Variants in SPMIP2 observed in about 807,000 individuals in gnomAD.
SPMIP2 encodes the protein sperm microtubule inner protein 2.
chr4:158,900,373 T>C, the SPMIP2 span, among the ~76,000 whole-genome samples: 1 of 152,260 alleles, frequency 6.6e-6, no homozygotes, highest in Non-Finnish European at 1.5e-5. Flanking sequence ...GGTCCAGAGC[T>C]GAGTTCAAGT....
At chr4:159,025,204 G>T in the SPMIP2 span, among the ~76,000 whole-genome samples, 1 of 152,136 alleles carries the variant, frequency 6.6e-6, no homozygotes, top group African/African-American at 2.4e-5. Context: ...TTGCTCTGTC[G>T]CACAGGCTGG....
At chr4:158,922,021 G>C in the SPMIP2 span, among the ~76,000 whole-genome samples, 27 of 151,828 alleles carry the variant, frequency 1.8e-4, no homozygotes, top group African/African-American at 6.3e-4. Context: ...CCAAGTAGCT[G>C]GGACTACAGG....
At chr4:158,987,212 A>G in the SPMIP2 span, among the ~76,000 whole-genome samples, 1 of 149,094 alleles carries the variant, frequency 6.7e-6, no homozygotes, top group Non-Finnish European at 1.5e-5. Context: ...ACCATTGTGG[A>G]AGTCAGTGTG....
the SPMIP2 span, among the ~76,000 whole-genome samples, chr4:159,063,699 C>T: frequency 4.6e-5 from 7 of 152,040 alleles, no homozygotes; most frequent in African/African-American, 9.6e-5. Flanking sequence ...TATCAAAAGA[C>T]GGCCGAAAGC....
the SPMIP2 span, among the ~76,000 whole-genome samples, chr4:158,971,431 T>A: frequency 6.6e-6 from 1 of 152,226 alleles, no homozygotes; most frequent in Non-Finnish European, 1.5e-5. Context: ...GAAACTGGTC[T>A]TCTTTGGAAT....
the SPMIP2 span, among the ~76,000 whole-genome samples, chr4:158,903,338 C>T: frequency 1.3e-5 from 2 of 152,132 alleles, no homozygotes; most frequent in Admixed American, 6.5e-5. Flanking sequence ...TGAGATGAGC[C>T]GGGTACATCA....
chr4:158,912,013 A>G, the SPMIP2 span, among the ~76,000 whole-genome samples: 1 of 152,204 alleles, frequency 6.6e-6, no homozygotes, highest in African/African-American at 2.4e-5. Flanking sequence ...AAAATAATGA[A>G]TGTATTATTG....
the SPMIP2 span, among the ~76,000 whole-genome samples, chr4:158,935,684 G>T: frequency 6.6e-6 from 1 of 152,166 alleles, no homozygotes; most frequent in Non-Finnish European, 1.5e-5. Context: ...AAACATTGTT[G>T]GTTATTTGAG....
At chr4:158,906,643 G>C in the SPMIP2 span, 1 of 152,152 alleles carries the variant, frequency 6.6e-6, no homozygotes, top group East Asian at 1.9e-4. Flanking sequence ...GGTCACATGT[G>C]GGGGCTGTCT....
the SPMIP2 span, among the ~76,000 whole-genome samples, chr4:158,908,562 G>A: frequency 3.2e-3 from 482 of 152,266 alleles, 9 homozygotes; most frequent in East Asian, 0.044. Context: ...GGAAAACTGC[G>A]TTTCCAATGG....
the SPMIP2 span, among the ~76,000 whole-genome samples, chr4:159,016,286 A>T: frequency 6.6e-6 from 1 of 152,342 alleles, no homozygotes; most frequent in South Asian, 2.1e-4. Flanking sequence ...AAAACTTCAT[A>T]GTTTTCCACG....
the SPMIP2 span, among the ~76,000 whole-genome samples, chr4:158,995,855 C>CAAAA: frequency 1.7e-4 from 12 of 70,766 alleles, no homozygotes; most frequent in African/African-American, 6.0e-4. Flanking sequence ...GACTCCATCT[C>CAAAA]AAAAAAAAAA....
the SPMIP2 span, among the ~76,000 whole-genome samples, chr4:159,037,827 C>CACACATAT: frequency 8.3e-3 from 1,048 of 125,858 alleles, 10 homozygotes; most frequent in East Asian, 0.03. Flanking sequence ...CACACACACA[C>CACACATAT]ATATATATAT....
chr4:159,026,879 A>ATATATT, the SPMIP2 span, among the ~76,000 whole-genome samples: 1 of 149,918 alleles, frequency 6.7e-6, no homozygotes, highest in Non-Finnish European at 1.5e-5. Context: ...ATTTATATTT[A>ATATATT]TATATTTATA....
the SPMIP2 span, among the ~76,000 whole-genome samples, chr4:159,010,696 A>G: frequency 6.6e-6 from 1 of 152,166 alleles, no homozygotes; most frequent in South Asian, 2.1e-4. Flanking sequence ...TTTCTGGAAC[A>G]CAGCTCTCTG....
chr4:159,014,395 G>A, the SPMIP2 span, among the ~76,000 whole-genome samples: 2 of 152,178 alleles, frequency 1.3e-5, no homozygotes, highest in Non-Finnish European at 2.9e-5. Flanking sequence ...AGAGGTTGCA[G>A]TGAGCTGAGG....
the SPMIP2 span, among the ~76,000 whole-genome samples, chr4:159,029,369 G>A: frequency 6.6e-6 from 1 of 152,136 alleles, no homozygotes; most frequent in Non-Finnish European, 1.5e-5. Flanking sequence ...ATCTAAAAGT[G>A]CATACATAAA....
At chr4:158,933,864 A>G in the SPMIP2 span, among the ~76,000 whole-genome samples, 1 of 152,126 alleles carries the variant, frequency 6.6e-6, no homozygotes, top group Non-Finnish European at 1.5e-5. Flanking sequence ...AATCAAACCA[A>G]CATCAACATA....
the SPMIP2 span, among the ~76,000 whole-genome samples, chr4:158,979,814 T>TTC: frequency 2.9e-5 from 4 of 140,038 alleles, no homozygotes; most frequent in Middle Eastern, 3.5e-3. Flanking sequence ...TTTTTTTTTT[T>TTC]CATACCCCAG....
Sources: gnomAD v4.1 joint callset for allele counts (sites outside exome capture counted in the v4.1 genomes callset) on GRCh38, gnomAD v4.1.1 for gene constraint, MANE v1.5 for transcripts, NCBI Gene and HGNC (gene_info 2026-07-23, HGNC 2026-07-21) for gene names.